The following PAK2 variants were observed in gnomAD, a reference collection of about 807,000 sequenced individuals.
PAK2 encodes serine/threonine-protein kinase PAK 2.
A neutral mutation model predicts 65.9 loss-of-function variants in PAK2; 21 were observed. The observed-to-expected ratio is 0.32, with a 90% confidence interval of 0.23 to 0.46. The LOEUF (loss-of-function observed/expected upper bound fraction) is 0.46, where lower values mean the gene tolerates loss of function less well. Among genes scored for constraint, PAK2 ranks in the 20% least tolerant of loss-of-function variants. The probability of loss-of-function intolerance (pLI) is 1.00; values close to 1 mark genes in which losing one functional copy is unlikely to be tolerated. For synonymous variants in PAK2, 204 were observed against 219.7 expected (o/e 0.93, Z 0.63); for missense variants, 324 against 642.6 (o/e 0.50, Z 5.36).
chr3:196,766,533 G>A (rs1291681076), intron 1 of PAK2, among the ~76,000 whole-genome samples: 1 of 152,058 alleles, frequency 6.6e-6, no homozygotes, highest in African/African-American at 2.4e-5. Context: ...AAGCAAAAAA[G>A]TACAAGGATT....
intron 7 of PAK2, among the ~76,000 whole-genome samples, chr3:196,808,870 TAATA>T (rs966168304): frequency 3.1e-4 from 46 of 150,138 alleles, no homozygotes; most frequent in African/African-American, 1.1e-3. Context: ...CAAAAAATAA[TAATA>T]AATAAAATTA....
At chr3:196,788,841 C>T (rs560427917) in intron 2 of PAK2, among the ~76,000 whole-genome samples, 15 of 152,274 alleles carry the variant, frequency 9.9e-5, no homozygotes, top group Admixed American at 9.2e-4. Context: ...TGAGTGCCGC[C>T]CGGTGTTACT....
intron 2 of PAK2, among the ~76,000 whole-genome samples, chr3:196,786,319 C>T (rs780871047): frequency 2.4e-4 from 37 of 151,772 alleles, no homozygotes; most frequent in African/African-American, 7.0e-4. Flanking sequence ...CCTGCCACCG[C>T]GCCCGGCTAA....
chr3:196,801,838 A>T (rs1392580624), intron 2 of PAK2, 89 bp from the exon 3 acceptor site: 12 of 733,672 alleles, frequency 1.6e-5, no homozygotes. Context: ...CATTTAAAAA[A>T]ACAAAAGACA....
At chr3:196,789,773 A>G (rs1428655077) in intron 2 of PAK2, among the ~76,000 whole-genome samples, 2 of 151,914 alleles carry the variant, frequency 1.3e-5, no homozygotes, top group African/African-American at 2.4e-5. Flanking sequence ...CCGGAAAACA[A>G]TTTTTCTGTG....
intron 11 of PAK2, among the ~76,000 whole-genome samples, chr3:196,815,389 G>C (rs13083048): frequency 0.16 from 24,229 of 151,518 alleles, 2,204 homozygotes; most frequent in South Asian, 0.3. Context: ...CTACTCGCGA[G>C]GCTGAGGCGG....
Position 196,828,542 on chromosome 3 carries a change from G to A in PAK2, c.*137G>A. 1.5e-6 allele frequency: 1 copy of A among 656,810 alleles called. No homozygotes were observed. Among genetic ancestry groups the A allele is most frequent in the South Asian group, 1.8e-5 (1 of 54,894 alleles). 40.7% of individuals were successfully genotyped at this position (656,810 alleles called of 1,614,324 possible). On this transcript the variant is annotated 3_prime_UTR_variant, in exon 15 of 15. Coordinates refer to ENST00000327134, the MANE Select transcript of PAK2 (RefSeq NM_002577.4). ...TGAAAGAAGCAAATGACTATTCTCT[G>A]AAGACAACCAAGAGAAAATTGCAAA...
chr3:196,782,578 TC>T, intron 1 of PAK2, 47 bp from the exon 2 acceptor site: 1 of 867,970 alleles, frequency 1.2e-6, no homozygotes, highest in South Asian at 1.8e-5. Context: ...TTTTGCTTGT[TC>T]GTGCTATTTT....
chr3:196,810,954 C>A (rs1400610005), intron 8 of PAK2, among the ~76,000 whole-genome samples: 1 of 151,958 alleles, frequency 6.6e-6, no homozygotes, highest in Non-Finnish European at 1.5e-5. Context: ...ATATTTACTG[C>A]ATGACTATAA....
chr3:196,744,102 G>T (rs749434287), intron 1 of PAK2, among the ~76,000 whole-genome samples: 1 of 152,070 alleles, frequency 6.6e-6, no homozygotes, highest in Admixed American at 6.6e-5. Context: ...TGAAAAGTGG[G>T]CAGTGGCTGG....
chr3:196,769,639 G>T (rs185874318), intron 1 of PAK2, among the ~76,000 whole-genome samples: 1 of 86,632 alleles, frequency 1.2e-5, no homozygotes, highest in African/African-American at 4.9e-5. Flanking sequence ...GTGAAACCCC[G>T]TCTCTCCTAA....
At chr3:196,765,042 C>T (rs1436450257) in intron 1 of PAK2, among the ~76,000 whole-genome samples, 1 of 150,734 alleles carries the variant, frequency 6.6e-6, no homozygotes, top group Non-Finnish European at 1.5e-5. Flanking sequence ...GACGAGGTTT[C>T]ACCGTGTTAG....
chr3:196,771,848 A>T (rs1274365620), intron 1 of PAK2, among the ~76,000 whole-genome samples: 1 of 152,066 alleles, frequency 6.6e-6, no homozygotes, highest in African/African-American at 2.4e-5. Context: ...GTGAGCTACC[A>T]TGCCCGGCCT....
chr3:196,814,915 C>G (rs1280638710), intron 11 of PAK2, among the ~76,000 whole-genome samples: 1 of 152,184 alleles, frequency 6.6e-6, no homozygotes, highest in Admixed American at 6.5e-5. Context: ...CGCGGTGGCT[C>G]ACGCCTGTAA....
intron 11 of PAK2, among the ~76,000 whole-genome samples, chr3:196,815,365 G>A (rs557036505): frequency 1.3e-3 from 197 of 151,472 alleles, no homozygotes; most frequent in East Asian, 1.8e-3. Flanking sequence ...GGTGGTGCAC[G>A]CCTGTAATCC....
intron 2 of PAK2, among the ~76,000 whole-genome samples, chr3:196,784,228 T>C (rs1285864141): frequency 2.4e-5 from 3 of 123,892 alleles, no homozygotes; most frequent in East Asian, 4.2e-4. Flanking sequence ...TTTTTCTTTT[T>C]TTTTTTTTTA....
At position 196,765,593 on chromosome 3, in the gene PAK2, G is replaced by A. The variant is rs75493547; in HGVS notation, c.-21-17033G>A. Reference sequence around the variant, plus strand: ...ATGTAGAAGGTGTAAAATGGTATCTGCTAGAGGCCTTAATTTACATTTCAT... The same window carrying A: ...ATGTAGAAGGTGTAAAATGGTATCTACTAGAGGCCTTAATTTACATTTCAT... On this transcript the variant is annotated intron_variant, in intron 1 of 14. Transcript: ENST00000327134. 8.3e-3 allele frequency among the ~76,000 whole-genome samples: 1,257 copies of A among 152,250 alleles called. 5 individuals carry two copies. Among genetic ancestry groups the A allele is most frequent in the Non-Finnish European group, 0.013 (852 of 68,014 alleles).
intron 1 of PAK2, among the ~76,000 whole-genome samples, chr3:196,769,539 T>C (rs181036992): frequency 0.021 from 3,126 of 151,334 alleles, 61 homozygotes; most frequent in South Asian, 0.056. Context: ...CGGCCAGGCG[T>C]GGTGGCTCAC....
Position 196,807,853 on chromosome 3 carries a change from G to C in PAK2, c.648G>C (p.Lys216Asn), listed in dbSNP as rs756461705. The stretch of plus-strand genomic sequence containing the variant: ...ATTCACATGTTGATGGTGCTGCCAA[G>C]TCTTTAGACAAACAGAAAAAGAAGA... ...VGDSHVDGAA[K>N]SLDKQKKKTK... Residue 216 changes from lysine (K) to asparagine (N), a missense_variant, in exon 7 of 15, where the codon AAG (lysine) becomes AAC (asparagine). Lys to Asn is a moderately conservative substitution (Grantham distance 94, BLOSUM62 0). Transcript: ENST00000327134. 6.2e-7 allele frequency: 1 copy of C among 1,612,142 alleles called. No individual in the cohort carries two copies. Among genetic ancestry groups the C allele is most frequent in the Non-Finnish European group, 8.5e-7 (1 of 1,178,420 alleles).
Sources: gnomAD v4.1 joint callset for allele counts (sites outside exome capture counted in the v4.1 genomes callset) on GRCh38, gnomAD v4.1.1 for gene constraint, MANE v1.5 for transcripts, NCBI Gene and HGNC (gene_info 2026-07-23, HGNC 2026-07-21) for gene names.